Variants in RUNDC3B observed in about 807,000 individuals in gnomAD.
The protein encoded by RUNDC3B is RUN domain-containing protein 3B.
A neutral mutation model predicts 58.4 loss-of-function variants in RUNDC3B; 33 were observed. The observed-to-expected ratio is 0.56, with a 90% confidence interval of 0.43 to 0.75. The LOEUF is 0.75. Ranked by LOEUF, RUNDC3B falls within the 30% of genes least tolerant of loss-of-function variation. RUNDC3B has a pLI of 0.00. For synonymous variants in RUNDC3B, 193 were observed against 195.2 expected, an observed-to-expected ratio of 0.99 and a Z score of 0.10; for missense variants, 501 against 535.7, an observed-to-expected ratio of 0.94 and a Z score of 0.64.
At chr7:87,761,208 C>A (rs1833661985) in intron 6 of RUNDC3B, among the ~76,000 whole-genome samples, 1 of 151,822 alleles carries the variant, frequency 6.6e-6, no homozygotes, top group South Asian at 2.1e-4. Flanking sequence ...TACAGTGGCC[C>A]AGAAGCACAT....
intron 4 of RUNDC3B, among the ~76,000 whole-genome samples, chr7:87,739,170 A>G (rs927293598): frequency 2.0e-5 from 3 of 151,996 alleles, no homozygotes; most frequent in African/African-American, 7.2e-5. Context: ...CTTTACAGGA[A>G]TTAACAAAGA....
chr7:87,799,203 G>A (rs933809355), intron 8 of RUNDC3B, among the ~76,000 whole-genome samples: 16 of 152,266 alleles, frequency 1.1e-4, no homozygotes, highest in Admixed American at 2.0e-4. Context: ...AGTTCTAGGC[G>A]CTGGTGATTC....
At chr7:87,802,114 G>A (rs1330683319) in intron 8 of RUNDC3B, among the ~76,000 whole-genome samples, 6 of 152,146 alleles carry the variant, frequency 3.9e-5, no homozygotes, top group African/African-American at 7.2e-5. Context: ...CTAATAGACC[G>A]GCTGCAGTGG....
chr7:87,722,407 G>C (rs1481275668), intron 4 of RUNDC3B, among the ~76,000 whole-genome samples: 1 of 151,962 alleles, frequency 6.6e-6, no homozygotes. Flanking sequence ...CTTTTATAAG[G>C]TCAACATTTT....
At chr7:87,715,895 G>A (rs541363815) in intron 4 of RUNDC3B, among the ~76,000 whole-genome samples, 357 of 152,154 alleles carry the variant, frequency 2.3e-3, no homozygotes, top group Non-Finnish European at 4.4e-3. Context: ...GTAAGTGCGT[G>A]ATATTGGAAG....
At chr7:87,820,327 G>C (rs1007289469) in intron 10 of RUNDC3B, among the ~76,000 whole-genome samples, 3 of 152,110 alleles carry the variant, frequency 2.0e-5, no homozygotes, top group Non-Finnish European at 2.9e-5. Context: ...ACCATCCCAT[G>C]ACTAAACCAG....
At chr7:87,679,362 G>A (rs1826696693) in intron 2 of RUNDC3B, among the ~76,000 whole-genome samples, 1 of 149,370 alleles carries the variant, frequency 6.7e-6, no homozygotes, top group Non-Finnish European at 1.5e-5. Flanking sequence ...CAAAGTGCTG[G>A]GATTACAAGT....
chr7:87,742,453 A>G (rs1046841694), intron 6 of RUNDC3B, among the ~76,000 whole-genome samples: 1 of 152,080 alleles, frequency 6.6e-6, no homozygotes, highest in Non-Finnish European at 1.5e-5. Flanking sequence ...AGAATATACG[A>G]TGTTTGGTTT....
intron 1 of RUNDC3B, among the ~76,000 whole-genome samples, chr7:87,639,371 CATT>C (rs1459544499): frequency 6.6e-6 from 1 of 152,040 alleles, no homozygotes; most frequent in African/African-American, 2.4e-5. Context: ...TGTATTCTGT[CATT>C]GTTGATTGCA....
At chr7:87,655,073 A>G (rs1823954538) in intron 2 of RUNDC3B, among the ~76,000 whole-genome samples, 1 of 152,126 alleles carries the variant, frequency 6.6e-6, no homozygotes, top group East Asian at 1.9e-4. Context: ...GAACCCTTGT[A>G]GTAGGAATGT....
intron 2 of RUNDC3B, among the ~76,000 whole-genome samples, chr7:87,683,864 G>A (rs1189947789): frequency 1.3e-5 from 2 of 152,058 alleles, no homozygotes; most frequent in Non-Finnish European, 2.9e-5. Context: ...TATCTGCAAA[G>A]CACAATAAAG....
At chr7:87,669,697 T>C (rs151103425) in intron 2 of RUNDC3B, among the ~76,000 whole-genome samples, 120 of 152,352 alleles carry the variant, frequency 7.9e-4, no homozygotes, top group African/African-American at 2.7e-3. Context: ...GTTGTTTATC[T>C]GAAAAGGATC....
intron 6 of RUNDC3B, among the ~76,000 whole-genome samples, chr7:87,742,949 T>C (rs1424801870): frequency 1.3e-5 from 2 of 151,902 alleles, no homozygotes; most frequent in Non-Finnish European, 2.9e-5. Flanking sequence ...CCGTCTCTAC[T>C]AAAAATACAA....
intron 6 of RUNDC3B, among the ~76,000 whole-genome samples, chr7:87,766,736 G>C (rs550256066): frequency 2.1e-4 from 32 of 152,046 alleles, no homozygotes; most frequent in Admixed American, 5.9e-4. Flanking sequence ...TGTTGATTTT[G>C]TATAGTATCT....
rs566188380 is a variant in RUNDC3B at position 87,813,026 on chromosome 7, G to A, written c.1104-3115G>A. On this transcript the variant is annotated intron_variant, in intron 9 of 10. Coordinates refer to ENST00000394654, the MANE Select transcript of RUNDC3B (RefSeq NM_001134405.2). Reference sequence around the variant, plus strand: ...AACTGAATTTGTTTCCTCCTAGATAGTGGATTTGTAGTCATTTTCATGCAA... The same window carrying A: ...AACTGAATTTGTTTCCTCCTAGATAATGGATTTGTAGTCATTTTCATGCAA... Among the ~76,000 whole-genome samples, 3 of 152,294 alleles carry A rather than the reference G, an allele frequency of 2.0e-5. No individual in the cohort carries two copies. The South Asian group carries it at 6.2e-4, about 32-fold the overall frequency.
At chr7:87,650,399 C>T (rs1823456412) in intron 1 of RUNDC3B, among the ~76,000 whole-genome samples, 1 of 151,858 alleles carries the variant, frequency 6.6e-6, no homozygotes, top group Non-Finnish European at 1.5e-5. Context: ...CTGGTGAGAG[C>T]CCATTCCTCA....
chr7:87,736,008 G>A (rs1831907978), intron 4 of RUNDC3B, among the ~76,000 whole-genome samples: 1 of 151,962 alleles, frequency 6.6e-6, no homozygotes, highest in African/African-American at 2.4e-5. Context: ...CACATTCTTG[G>A]CAAGACCTTT....
chr7:87,754,778 A>C (rs561887938), intron 6 of RUNDC3B, among the ~76,000 whole-genome samples: 8 of 152,210 alleles, frequency 5.3e-5, no homozygotes, highest in African/African-American at 1.9e-4. Context: ...ACAGAAACAA[A>C]AATAACTATG....
chr7:87,773,482 GTCTT>G (rs989967257), intron 7 of RUNDC3B, among the ~76,000 whole-genome samples: 1 of 152,136 alleles, frequency 6.6e-6, no homozygotes, highest in Non-Finnish European at 1.5e-5. Context: ...AAATTTTAAT[GTCTT>G]TCAGAGTAAT....
Sources: gnomAD v4.1 joint callset for allele counts (sites outside exome capture counted in the v4.1 genomes callset) on GRCh38, gnomAD v4.1.1 for gene constraint, MANE v1.5 for transcripts, NCBI Gene and HGNC (gene_info 2026-07-23, HGNC 2026-07-21) for gene names.